Variants in AVEN observed in about 807,000 individuals in gnomAD.
The protein encoded by AVEN is apoptosis and caspase activation inhibitor.
Under a neutral mutation model 38.1 loss-of-function variants are expected in AVEN, and 41 were observed. That is an observed-to-expected ratio of 1.08 (90% CI 0.84 to 1.40). The LOEUF (loss-of-function observed/expected upper bound fraction) is 1.40. Among genes scored for constraint, AVEN ranks in the 40% most tolerant of loss-of-function variants. AVEN has a pLI of 0.00. For missense variants in AVEN, 605 were observed against 438.8 expected (o/e 1.38, Z -3.38); for synonymous variants, 206 against 171.8 (o/e 1.20, Z -1.56).
chr15:33,879,403 G>T (rs1282078995), intron 2 of AVEN, among the ~76,000 whole-genome samples: 1 of 120,642 alleles, frequency 8.3e-6, no homozygotes, highest in East Asian at 2.8e-4. Flanking sequence ...GGACTGTTGT[G>T]GGGTGGGGGG....
intron 1 of AVEN, among the ~76,000 whole-genome samples, chr15:34,017,883 G>A (rs1898013383): frequency 1.3e-5 from 2 of 152,048 alleles, no homozygotes; most frequent in Admixed American, 1.3e-4. Context: ...TACAACAGTG[G>A]TCCCATAAGG....
downstream of AVEN, among the ~76,000 whole-genome samples, chr15:33,863,545 T>G (rs548401981): frequency 7.9e-4 from 121 of 152,212 alleles, no homozygotes; most frequent in African/African-American, 2.8e-3. Context: ...GAGCTGAGAG[T>G]TCAGCCCCTG....
intron 1 of AVEN, among the ~76,000 whole-genome samples, chr15:34,019,942 T>C (rs1018646339): frequency 6.6e-5 from 10 of 152,252 alleles, no homozygotes; most frequent in African/African-American, 1.9e-4. Context: ...AGTTCTTTTG[T>C]ATGCAATTAC....
At chr15:33,960,434 T>TG (rs1895118180) in intron 2 of AVEN, among the ~76,000 whole-genome samples, 2 of 136,876 alleles carry the variant, frequency 1.5e-5, no homozygotes, top group African/African-American at 6.6e-5. Context: ...TGTGTGTGTG[T>TG]TGTGTGTGTG....
chr15:34,027,834 A>G (rs1898564389), intron 1 of AVEN, among the ~76,000 whole-genome samples: 1 of 108,846 alleles, frequency 9.2e-6, no homozygotes, highest in South Asian at 3.0e-4. Flanking sequence ...TCAAAAAAAA[A>G]AAAAAAAACT....
chr15:33,863,836 ATTAGAATTTTG>A (rs1197301420), downstream of AVEN, among the ~76,000 whole-genome samples: 7 of 152,314 alleles, frequency 4.6e-5, no homozygotes, highest in South Asian at 1.5e-3. Flanking sequence ...TTATTGTTTT[ATTAGAATTTTG>A]TTAACAATAA....
At chr15:33,862,664 G>A (rs1198304834), downstream of AVEN, among the ~76,000 whole-genome samples, 1 of 152,132 alleles carries the variant, frequency 6.6e-6, no homozygotes, top group African/African-American at 2.4e-5. Context: ...AGGCTGAAGT[G>A]CAGTGGCGCC....
intron 4 of AVEN, among the ~76,000 whole-genome samples, chr15:33,869,797 C>T (rs1192966224): frequency 6.6e-6 from 1 of 151,354 alleles, no homozygotes; most frequent in African/African-American, 2.4e-5. Flanking sequence ...TAGGATTCTA[C>T]TTAAAATCAG....
At chr15:33,901,044 A>G (rs1215232322) in intron 2 of AVEN, among the ~76,000 whole-genome samples, 2 of 152,236 alleles carry the variant, frequency 1.3e-5, no homozygotes, top group Non-Finnish European at 2.9e-5. Context: ...AGGCAGGCAC[A>G]TCACGAGGTC....
chr15:33,912,294 T>C (rs1302288682), intron 2 of AVEN, among the ~76,000 whole-genome samples: 6 of 152,204 alleles, frequency 3.9e-5, no homozygotes, highest in African/African-American at 9.6e-5. Context: ...TTTGCAATGA[T>C]GACAGACCAC....
At chr15:33,940,150 G>GT (rs1365195275) in intron 2 of AVEN, among the ~76,000 whole-genome samples, 1 of 152,112 alleles carries the variant, frequency 6.6e-6, no homozygotes, top group Non-Finnish European at 1.5e-5. Context: ...AAGCCACCCA[G>GT]TTTAAGTATT....
chr15:33,969,540 AT>A (rs1012489398), intron 2 of AVEN, among the ~76,000 whole-genome samples: 1 of 149,542 alleles, frequency 6.7e-6, no homozygotes, highest in African/African-American at 2.5e-5. Flanking sequence ...ACAAAGAAAA[AT>A]TAATAAGCAT....
At chr15:33,922,578 G>T (rs1482653046) in intron 2 of AVEN, among the ~76,000 whole-genome samples, 1 of 152,070 alleles carries the variant, frequency 6.6e-6, no homozygotes, top group Non-Finnish European at 1.5e-5. Flanking sequence ...GGGACTACTG[G>T]CATGTACCAC....
At chr15:33,901,341 T>C (rs991682477) in intron 2 of AVEN, among the ~76,000 whole-genome samples, 4 of 152,186 alleles carry the variant, frequency 2.6e-5, no homozygotes, top group African/African-American at 9.7e-5. Flanking sequence ...ATTCACACAC[T>C]AGAAGTCCAC....
intron 2 of AVEN, among the ~76,000 whole-genome samples, chr15:33,965,665 A>G: frequency 6.6e-6 from 1 of 152,164 alleles, no homozygotes; most frequent in East Asian, 1.9e-4. Context: ...ATGAGAATAC[A>G]TAGAGTTGTA....
chr15:34,043,246 C>CA (rs59481537), upstream of AVEN, among the ~76,000 whole-genome samples: 660 of 112,240 alleles, frequency 5.9e-3, 3 homozygotes, highest in African/African-American at 0.016. Context: ...GAATCCGTCT[C>CA]AAAAAAAAAA....
At chr15:33,960,792 G>A (rs1001627105) in intron 2 of AVEN, among the ~76,000 whole-genome samples, 5 of 151,932 alleles carry the variant, frequency 3.3e-5, no homozygotes, top group East Asian at 3.9e-4. Flanking sequence ...CTTGTCTTCC[G>A]CGGTCCATTC....
chr15:33,989,593 T>C (rs1896630868), intron 2 of AVEN, among the ~76,000 whole-genome samples: 1 of 152,110 alleles, frequency 6.6e-6, no homozygotes. Context: ...CCTACCACAA[T>C]ACTAACACTA....
At chr15:33,910,567 T>C (rs941493283) in intron 2 of AVEN, among the ~76,000 whole-genome samples, 3 of 152,170 alleles carry the variant, frequency 2.0e-5, no homozygotes, top group Non-Finnish European at 4.4e-5. Flanking sequence ...CACAAAGTAC[T>C]AGTGGGAATT....
Sources: allele counts gnomAD v4.1 joint callset (sites outside exome capture counted in the v4.1 genomes callset), GRCh38; gene constraint gnomAD v4.1.1; transcripts MANE v1.5; gene names NCBI Gene and HGNC (gene_info 2026-07-23, HGNC 2026-07-21).